Variants in ARIH1 observed in about 807,000 individuals in gnomAD.
The protein encoded by ARIH1 is ariadne RBR E3 ubiquitin protein ligase 1, also known as E3 ubiquitin-protein ligase ARIH1.
A neutral mutation model predicts 85.0 loss-of-function variants in ARIH1; 8 were observed. The ratio of observed to expected loss-of-function variants is 0.09; its 90% CI spans 0.06 to 0.17. The LOEUF (loss-of-function observed/expected upper bound fraction) is 0.17, where lower values mean the gene tolerates loss of function less well. ARIH1 is among the 10% of genes least tolerant of loss of function. ARIH1 has a pLI of 1.00. For synonymous variants in ARIH1, 238 were observed against 253.6 expected, an observed-to-expected ratio of 0.94 and a Z score of 0.59; for missense variants, 311 against 718.1, an observed-to-expected ratio of 0.43 and a Z score of 6.48.
intron 11 of ARIH1, among the ~76,000 whole-genome samples, chr15:72,573,057 T>C (rs1044706228): frequency 1.3e-5 from 2 of 152,226 alleles, no homozygotes; most frequent in African/African-American, 4.8e-5. Flanking sequence ...ATATTGAAAT[T>C]CCCCAGTTGT....
At chr15:72,559,460 CGAG>C (rs2064188661) in intron 5 of ARIH1, among the ~76,000 whole-genome samples, 1 of 151,866 alleles carries the variant, frequency 6.6e-6, no homozygotes, top group Non-Finnish European at 1.5e-5. Context: ...TTAGTAGAGA[CGAG>C]GTTTCACCAT....
At chr15:72,575,652 G>C (rs906942447) in intron 11 of ARIH1, among the ~76,000 whole-genome samples, 2 of 150,688 alleles carry the variant, frequency 1.3e-5, no homozygotes, top group African/African-American at 4.9e-5. Flanking sequence ...AGAATTCTTA[G>C]ATTAAGTCAA....
chr15:72,546,906 CCTTTT>C (rs139023609), intron 3 of ARIH1, among the ~76,000 whole-genome samples: 10 of 134,544 alleles, frequency 7.4e-5, no homozygotes, highest in African/African-American at 2.0e-4. Flanking sequence ...GGTTTCTTCT[CCTTTT>C]CTTTTCTTTT....
chr15:72,582,428 G>A lies in ARIH1; in HGVS notation c.1589+241G>A, dbSNP rs16957148. Among the ~76,000 whole-genome samples the A allele has an allele frequency of 0.03, 4,614 of 152,186 alleles. 113 individuals carry two copies. The highest frequency in any genetic ancestry group is 0.12 in the East Asian group (598 of 5,170). ...AATTCCACTTCTGTTCAGTTATTTA[G>A]TTGCTACCTTGCAAGGAAGAAAGAA... On this transcript the variant is annotated intron_variant, in intron 13 of 13. Transcript: ENST00000379887. This position sits in a 1 kb window ranked among gnomAD's most constrained non-coding sequence, Gnocchi z 4.6.
chr15:72,536,110 CAT>C lies in ARIH1; in HGVS notation c.444-8709_444-8708del, dbSNP rs1418921199. On this transcript the variant is annotated intron_variant, in intron 2 of 13. Transcript: ENST00000379887. ...TAGACAACCACCAGTAAAGATGACA[CAT>C]GTGTTTGTAGTGTGGCTGGAACACC... Among the ~76,000 whole-genome samples the C allele has an allele frequency of 4.6e-5, 7 of 152,264 alleles. No individual in the cohort carries two copies. The East Asian group carries it at 7.7e-4, about 17-fold the overall frequency.
intron 1 of ARIH1, among the ~76,000 whole-genome samples, chr15:72,479,595 G>T (rs1595846862): frequency 2.6e-5 from 4 of 152,144 alleles, no homozygotes; most frequent in African/African-American, 9.6e-5. Context: ...TTTTAGTAGA[G>T]ACTGGGTTTC....
chr15:72,538,561 C>T (rs1320409458), intron 2 of ARIH1, among the ~76,000 whole-genome samples: 1 of 152,206 alleles, frequency 6.6e-6, no homozygotes, highest in Non-Finnish European at 1.5e-5. Context: ...GCCACAGTCA[C>T]TCAGGATTCA....
chr15:72,491,793 G>A (rs1330238550), intron 1 of ARIH1, among the ~76,000 whole-genome samples: 1 of 152,156 alleles, frequency 6.6e-6, no homozygotes, highest in Non-Finnish European at 1.5e-5. Flanking sequence ...GGAATTAGAG[G>A]CATAGAGGAA....
At chr15:72,523,487 A>AG (rs1818183340) in intron 2 of ARIH1, among the ~76,000 whole-genome samples, 1 of 151,218 alleles carries the variant, frequency 6.6e-6, no homozygotes, top group Non-Finnish European at 1.5e-5. Flanking sequence ...GGGTTAGTGA[A>AG]GAGGGAGGGA....
chr15:72,568,822 T>G (rs2064231767), intron 9 of ARIH1, among the ~76,000 whole-genome samples: 1 of 152,206 alleles, frequency 6.6e-6, no homozygotes, highest in Non-Finnish European at 1.5e-5. Context: ...ATTAAAAAGT[T>G]GCTATATTGG....
At chr15:72,514,197 A>T (rs1190144381) in intron 1 of ARIH1, among the ~76,000 whole-genome samples, 1 of 151,944 alleles carries the variant, frequency 6.6e-6, no homozygotes, top group Non-Finnish European at 1.5e-5. Context: ...CTATACTTTT[A>T]GTGAATACAG....
chr15:72,524,246 C>CTT (rs1004313275), intron 2 of ARIH1, among the ~76,000 whole-genome samples: 5 of 123,950 alleles, frequency 4.0e-5, no homozygotes, highest in African/African-American at 3.0e-5. Context: ...TGTGCCCGGC[C>CTT]TTTTTTTTTT....
rs1015846931 is a variant in ARIH1, at chr15:72,544,730, T to C, written c.444-90T>C. On this transcript the variant is annotated intron_variant, in intron 2 of 13. Transcript: ENST00000379887. ...TCTTGTTTTATTTTAATTCAACTTCTTGCTTTTCCCTATAGAAAGTCAGGT... is the reference window on the plus strand; with the variant it reads ...TCTTGTTTTATTTTAATTCAACTTCCTGCTTTTCCCTATAGAAAGTCAGGT... 3.3e-5 allele frequency: 38 copies of C among 1,162,698 alleles called. No homozygotes were observed. In the Middle Eastern group the frequency reaches 7.2e-4, roughly 22 times the overall value. 72.0% of individuals were successfully genotyped at this position (1,162,698 alleles called of 1,614,324 possible). A position where few individuals can be genotyped will look rare whatever the true frequency, so the allele number is the denominator to read the frequency against.
Position 72,595,034 on chromosome 15 carries a change from G to C in ARIH1, c.*11742G>C, listed in dbSNP as rs918090201. ...CTAATTTGTTGATAATTTTTATTAG[G>C]AAGGGTTATTAAATTTTGTGAGATG... On this transcript the variant is annotated 3_prime_UTR_variant, in exon 14 of 14. Coordinates refer to ENST00000379887, the MANE Select transcript of ARIH1 (RefSeq NM_005744.5). The C allele has an allele frequency of 1.6e-4, 25 of 151,980 alleles. No individual in the cohort carries two copies. Among genetic ancestry groups the C allele is most frequent in the African/African-American group, 6.0e-4 (25 of 41,394 alleles). 9.4% of individuals were successfully genotyped at this position (151,980 alleles called of 1,614,324 possible).
intron 3 of ARIH1, among the ~76,000 whole-genome samples, chr15:72,546,132 C>T (rs2064128029): frequency 6.6e-6 from 1 of 152,138 alleles, no homozygotes; most frequent in East Asian, 1.9e-4. Context: ...TCATCAGACT[C>T]TTGGGCTCAA....
chr15:72,512,552 T>C (rs2063955276), intron 1 of ARIH1, among the ~76,000 whole-genome samples: 1 of 151,270 alleles, frequency 6.6e-6, no homozygotes, highest in South Asian at 2.1e-4. Flanking sequence ...CATTGACTTC[T>C]GCTGTTTATT....
At chr15:72,501,406 A>T (rs1482018024) in intron 1 of ARIH1, among the ~76,000 whole-genome samples, 1 of 152,186 alleles carries the variant, frequency 6.6e-6, no homozygotes, top group Non-Finnish European at 1.5e-5. Context: ...TATAGTATGG[A>T]TGAGTAAGAA....
intron 1 of ARIH1, among the ~76,000 whole-genome samples, chr15:72,482,093 C>T (rs565300654): frequency 1.3e-5 from 2 of 152,274 alleles, no homozygotes; most frequent in South Asian, 4.1e-4. Context: ...GACTTGGCCT[C>T]CCAAAGTGCT....
chr15:72,528,507 C>A (rs1413940802), intron 2 of ARIH1, among the ~76,000 whole-genome samples: 1 of 152,138 alleles, frequency 6.6e-6, no homozygotes, highest in Non-Finnish European at 1.5e-5. Context: ...AGAAACCTTG[C>A]CTTTTTGATG....
Sources: allele counts gnomAD v4.1 joint callset (sites outside exome capture counted in the v4.1 genomes callset), GRCh38; gene constraint gnomAD v4.1.1; non-coding constraint Gnocchi (gnomAD v3.1); transcripts MANE v1.5; gene names NCBI Gene and HGNC (gene_info 2026-07-23, HGNC 2026-07-21).